Variants in ATP10B observed in about 807,000 individuals in gnomAD.
ATP10B encodes phospholipid-transporting ATPase VB.
In ATP10B, 122 loss-of-function variants were observed where a neutral mutation model predicts 141.2. The ratio of observed to expected loss-of-function variants is 0.86; its 90% CI spans 0.75 to 1.00. The LOEUF (loss-of-function observed/expected upper bound fraction) is 1.00, where lower values mean the gene tolerates loss of function less well. Among genes scored for constraint, ATP10B ranks in the 50% least tolerant of loss-of-function variants. The pLI is 0.00. For synonymous variants in ATP10B, 685 were observed against 692.0 expected (o/e 0.99, Z 0.16); for missense variants, 1,876 against 1,825.3 (o/e 1.03, Z -0.51).
At chr5:160,813,698 C>G (rs547739398) in intron 1 of ATP10B, among the ~76,000 whole-genome samples, 1 of 152,344 alleles carries the variant, frequency 6.6e-6, no homozygotes, top group East Asian at 1.9e-4. Context: ...AAGTGGGTCC[C>G]TGACCCCTGA....
In ATP10B at chr5:160,571,635, G is replaced by A. The variant is rs373781375; in HGVS notation, c.3751-1952C>T. Among the ~76,000 whole-genome samples, 19 of 152,286 alleles carry A rather than the reference G, an allele frequency of 1.2e-4. No individual in the cohort carries two copies. In the South Asian group the frequency reaches 3.9e-3, roughly 32 times the overall value. On this transcript the variant is annotated intron_variant, in intron 24 of 25. Coordinates refer to ENST00000327245, the MANE Select transcript of ATP10B (RefSeq NM_025153.3). ...AAAGTTAGACACAACTTGAGGCTTAGAATAAAGGTAACTTTCTCTAGAAAA... is the reference window on the plus strand; with the variant it reads ...AAAGTTAGACACAACTTGAGGCTTAAAATAAAGGTAACTTTCTCTAGAAAA...
At chr5:160,743,633 T>A (rs1413478852) in intron 2 of ATP10B, among the ~76,000 whole-genome samples, 1 of 152,162 alleles carries the variant, frequency 6.6e-6, no homozygotes, top group East Asian at 1.9e-4. Context: ...TTGGTCTCAA[T>A]CTATGAACCA....
At chr5:160,756,175 G>T (rs1328057752) in intron 2 of ATP10B, among the ~76,000 whole-genome samples, 1 of 151,432 alleles carries the variant, frequency 6.6e-6, no homozygotes, top group Admixed American at 6.6e-5. Context: ...CATGGGGAAG[G>T]TCTACCTTTT....
rs982802060 is a variant in ATP10B at position 160,819,418 on chromosome 5, G to T, written c.-576+32523C>A. On this transcript the variant is annotated intron_variant, in intron 1 of 25. Transcript: ENST00000327245. ...CATCAACACCAGACCTATCCTACAA[G>T]AAGTATTAAAGGGACTACTCCCATC... is the stretch of plus-strand genomic sequence containing the variant. Among the ~76,000 whole-genome samples the T allele has an allele frequency of 3.3e-4, 50 of 152,126 alleles. 1 individual carries two copies. Among genetic ancestry groups the T allele is most frequent in the African/African-American group, 1.2e-3 (48 of 41,438 alleles).
chr5:160,681,304 A>C (rs545654830), intron 6 of ATP10B, among the ~76,000 whole-genome samples: 91 of 152,334 alleles, frequency 6.0e-4, no homozygotes, highest in Non-Finnish European at 1.1e-3. Context: ...ATCTCACAGG[A>C]CAAGATCTAG....
At chr5:160,650,063 C>T (rs1026194628) in intron 7 of ATP10B, among the ~76,000 whole-genome samples, 26 of 151,276 alleles carry the variant, frequency 1.7e-4, no homozygotes, top group South Asian at 1.0e-3. Context: ...GAGCCAAGAT[C>T]GCGCCACTGC....
At chr5:160,721,669 C>T (rs1561788283) in intron 2 of ATP10B, among the ~76,000 whole-genome samples, 1 of 152,082 alleles carries the variant, frequency 6.6e-6, no homozygotes, top group Non-Finnish European at 1.5e-5. Flanking sequence ...GGTTCCTAGG[C>T]CAGTCTTACA....
intron 2 of ATP10B, among the ~76,000 whole-genome samples, chr5:160,770,310 A>C (rs1769790560): frequency 1.3e-5 from 2 of 148,224 alleles, no homozygotes; most frequent in African/African-American, 2.5e-5. Flanking sequence ...TCCCCACCCC[A>C]CCTCTTCATC....
intron 1 of ATP10B, among the ~76,000 whole-genome samples, chr5:160,838,279 G>A (rs944575796): frequency 6.6e-6 from 1 of 152,140 alleles, no homozygotes; most frequent in Non-Finnish European, 1.5e-5. Flanking sequence ...AGTAGGTCAG[G>A]GAGCATAAGA....
intron 2 of ATP10B, among the ~76,000 whole-genome samples, chr5:160,742,983 TAATTAAA>T (rs1300688319): frequency 6.6e-6 from 1 of 152,248 alleles, no homozygotes; most frequent in Non-Finnish European, 1.5e-5. Context: ...AATGAAGTGA[TAATTAAA>T]AATCATTATA....
intron 24 of ATP10B, among the ~76,000 whole-genome samples, chr5:160,589,317 C>T (rs955154069): frequency 1.7e-4 from 26 of 152,106 alleles, no homozygotes; most frequent in Non-Finnish European, 2.9e-4. Flanking sequence ...TGGCCATACC[C>T]CTGAACTTTT....
the ATP10B span, among the ~76,000 whole-genome samples, chr5:160,909,361 C>A: frequency 6.6e-6 from 1 of 152,176 alleles, no homozygotes; most frequent in Admixed American, 6.5e-5. Context: ...TACACAGATA[C>A]TGTGGCTAGA....
chr5:160,666,908 G>A (rs1762352323), intron 7 of ATP10B, among the ~76,000 whole-genome samples: 1 of 152,194 alleles, frequency 6.6e-6, no homozygotes, highest in South Asian at 2.1e-4. Flanking sequence ...GGGAGATGAA[G>A]TACTGAGCCT....
At chr5:160,765,895 G>T (rs1393030182) in intron 2 of ATP10B, among the ~76,000 whole-genome samples, 7 of 151,812 alleles carry the variant, frequency 4.6e-5, no homozygotes, top group African/African-American at 1.5e-4. Context: ...GTGGACTAAG[G>T]GCATGAATAG....
intron 6 of ATP10B, chr5:160,685,050 GT>G (rs1449549123): frequency 2.8e-6 from 2 of 703,530 alleles, no homozygotes; most frequent in Non-Finnish European, 5.2e-6. Context: ...GCTCAAAAAT[GT>G]TTTTGGGGAC....
At chr5:160,824,289 T>G (rs1369447798) in intron 1 of ATP10B, among the ~76,000 whole-genome samples, 3 of 152,190 alleles carry the variant, frequency 2.0e-5, no homozygotes, top group Non-Finnish European at 2.9e-5. Flanking sequence ...GTGCTGGGAT[T>G]ACAGGCTTGA....
intron 21 of ATP10B, 33 bp from the exon 22 acceptor site, chr5:160,599,003 G>T: frequency 6.2e-7 from 1 of 1,605,264 alleles, no homozygotes; most frequent in Non-Finnish European, 8.5e-7. Flanking sequence ...TGTGAGTGGG[G>T]CTCCATGTGC....
Position 160,564,744 on chromosome 5 carries a change from CAG to C in ATP10B, c.*707_*708del, listed in dbSNP as rs1754434967. 1 of 152,218 alleles carries C rather than the reference CAG, an allele frequency of 6.6e-6. No individual in the cohort carries two copies. The highest frequency in any genetic ancestry group is 2.4e-5 in the African/African-American group (1 of 41,454). 9.4% of individuals were successfully genotyped at this position (152,218 alleles called of 1,614,324 possible). A position where few individuals can be genotyped will look rare whatever the true frequency, so the allele number is the denominator to read the frequency against. ...GGGACATATGGTCTGTCAGCCAAAA[CAG>C]GGGTCTCTGGTGCACCCGTTCCCTT... On this transcript the variant is annotated 3_prime_UTR_variant, in exon 26 of 26. Transcript: ENST00000327245.
At chr5:160,923,932 C>T in the ATP10B span, among the ~76,000 whole-genome samples, 3 of 152,198 alleles carry the variant, frequency 2.0e-5, no homozygotes, top group Admixed American at 1.3e-4. Flanking sequence ...AAGGATGGGG[C>T]TGAGGCGCCT....
Sources: allele counts gnomAD v4.1 joint callset (sites outside exome capture counted in the v4.1 genomes callset), GRCh38; gene constraint gnomAD v4.1.1; transcripts MANE v1.5; gene names NCBI Gene and HGNC (gene_info 2026-07-23, HGNC 2026-07-21).